DEF8: variants seen among roughly 807,000 people sequenced by gnomAD.
DEF8 encodes DEF-8.
In DEF8, 38 loss-of-function variants were observed where a neutral mutation model predicts 59.1. The observed-to-expected ratio is 0.64, with a 90% CI of 0.50 to 0.84. The LOEUF (loss-of-function observed/expected upper bound fraction) is 0.84. Ranked by LOEUF, DEF8 falls within the 40% of genes least tolerant of loss-of-function variation. The pLI, the probability that DEF8 is intolerant of heterozygous loss-of-function variation, is 0.00. For missense variants in DEF8, 557 were observed against 615.2 expected, an observed-to-expected ratio of 0.91 and a Z score of 1.00; for synonymous variants, 265 against 250.1, an observed-to-expected ratio of 1.06 and a Z score of -0.56.
chr16:89,955,161 T>C lies in DEF8; in HGVS notation c.125-8T>C, dbSNP rs62052225. 0.066 allele frequency: 105,952 copies of C among 1,610,136 alleles called. 4,524 individuals carry two copies. The highest frequency in any genetic ancestry group is 0.19 in the East Asian group (8,642 of 44,856). ...TGACGCTCCACACCTGTCCCCGTCT[T>C]CCTCCAGAGGCCCTGCCTGAGCTGC... is the stretch of plus-strand genomic sequence containing the variant. On this transcript the variant is annotated splice_region_variant and splice_polypyrimidine_tract_variant and intron_variant, in intron 3 of 12. Coordinates refer to ENST00000563594, the MANE Select transcript of DEF8 (RefSeq NM_001242818.2).
chr16:89,964,185 C>A lies in DEF8; in HGVS notation c.1018C>A (p.His340Asn). Residue 340 changes from histidine to asparagine, a missense_variant, in exon 11 of 13, where the codon CAT (histidine) becomes AAT (asparagine). His to Asn is a moderately conservative substitution (Grantham distance 68). Transcript: ENST00000563594. The part of the protein sequence containing the change: ...RLLLQLQDRQ[H>N]FVENDEMYSV... ...GACTTGGCAGCTCCAGGATCGGCAG[C>A]ATTTTGTGGAGAACGACGAGATGTA... is the stretch of plus-strand genomic sequence containing the variant. The A allele has an allele frequency of 6.2e-7, 1 of 1,613,912 alleles. No homozygotes were observed.
In DEF8 at chr16:89,949,487, G is replaced by GCC. The variant is rs747450605; in HGVS notation, c.-34_-33dup. 1 of 1,612,814 alleles carries GCC rather than the reference G, an allele frequency of 6.2e-7. No homozygotes were observed. The highest frequency in any genetic ancestry group is 1.1e-5 in the South Asian group (1 of 91,058). ...AGGAATGGCCATCCTGTCCCTGCGA[G>GCC]CCCCTGGGCCCTGGCAGGCGATGCA... On this transcript the variant is annotated 5_prime_UTR_variant, in exon 2 of 13. Transcript: ENST00000563594.
intron 2 of DEF8, among the ~76,000 whole-genome samples, chr16:89,951,573 G>A (rs1409219571): frequency 6.6e-6 from 1 of 152,066 alleles, no homozygotes; most frequent in Non-Finnish European, 1.5e-5. Flanking sequence ...TTGGCCGCAA[G>A]AGACAAAAAC....
intron 6 of DEF8, 129 bp downstream of exon 6, chr16:89,959,284 A>G (rs1399666316): frequency 6.6e-7 from 1 of 1,524,302 alleles, no homozygotes; most frequent in Non-Finnish European, 8.8e-7. Context: ...TCAAAGTTAA[A>G]TTAACTAAAT....
At position 89,954,204 on chromosome 16, in the gene DEF8, G is replaced by A. The variant is rs1171876340; in HGVS notation, c.-10-39G>A. 1 of 1,602,188 alleles carries A rather than the reference G, an allele frequency of 6.2e-7. No homozygotes were observed. The highest frequency in any genetic ancestry group is 1.7e-5 in the Admixed American group (1 of 59,244). ...AAAGGGGGTGGTCCGTGGTGAGCCT[G>A]GTACCTGGGGACTCATCCTGGCCCT... On this transcript the variant is annotated intron_variant, in intron 2 of 12. Transcript: ENST00000563594. The surrounding 1 kb of genome is among the most constrained non-coding windows in gnomAD (Gnocchi z 4.3).
chr16:89,957,348 AC>A, intron 4 of DEF8, 162 bp from the exon 5 acceptor site: 1 of 720,266 alleles, frequency 1.4e-6, no homozygotes, highest in Admixed American at 3.2e-5. Flanking sequence ...CCGTGCTGCC[AC>A]CTTTCCTGCC....
chr16:89,958,364 C>T (rs546429215), intron 5 of DEF8: 7 of 154,724 alleles, frequency 4.5e-5, no homozygotes, highest in South Asian at 4.0e-4. Flanking sequence ...TGGACAAGGA[C>T]GGGTGGTGTC....
At chr16:89,951,631 A>G (rs545767788) in intron 2 of DEF8, among the ~76,000 whole-genome samples, 1 of 152,282 alleles carries the variant, frequency 6.6e-6, no homozygotes, top group South Asian at 2.1e-4. Flanking sequence ...CACTTGAATG[A>G]AGTCTGGCTG....
chr16:89,955,934 GT>G (rs2033096010), intron 4 of DEF8, among the ~76,000 whole-genome samples: 1 of 151,924 alleles, frequency 6.6e-6, no homozygotes, highest in Non-Finnish European at 1.5e-5. Context: ...TCAGCCGGGC[GT>G]GGTGGCACAT....
intron 2 of DEF8, among the ~76,000 whole-genome samples, chr16:89,952,390 A>G (rs1203846740): frequency 6.6e-6 from 1 of 152,108 alleles, no homozygotes; most frequent in Admixed American, 6.5e-5. Flanking sequence ...CCTGGGGTGG[A>G]TGGAAGGGCT....
intron 2 of DEF8, chr16:89,950,201 C>T: frequency 4.1e-6 from 4 of 986,394 alleles, no homozygotes; most frequent in South Asian, 4.7e-5. Context: ...CCAGGCGTAG[C>T]TCCTGCACCT....
At chr16:89,957,727 A>C (rs982640610) in intron 5 of DEF8, 67 bp downstream of exon 5, 1 of 1,452,812 alleles carries the variant, frequency 6.9e-7, no homozygotes, top group Non-Finnish European at 9.1e-7. Context: ...AACTAGGAGG[A>C]CCCTGCCAGC....
chr16:89,959,517 C>A (rs897796163), intron 6 of DEF8, among the ~76,000 whole-genome samples: 2 of 152,218 alleles, frequency 1.3e-5, no homozygotes, highest in Non-Finnish European at 2.9e-5. Context: ...GTTTTTGAGA[C>A]GGAGTCTCAC....
Position 89,948,828 on chromosome 16 carries a change from G to C in DEF8, c.-108+14G>C, listed in dbSNP as rs1400638517. 1.0e-6 allele frequency: 1 copy of C among 971,920 alleles called. No homozygotes were observed. The highest frequency in any genetic ancestry group is 1.2e-6 in the Non-Finnish European group (1 of 825,502). 60.2% of individuals were successfully genotyped at this position (971,920 alleles called of 1,614,324 possible). ...GGCGGCGGTCAGGTGAGCGGCGCGGGGCCGGCGGGGTCGGGGCCGGCGGGG... is the reference window on the plus strand; with the variant it reads ...GGCGGCGGTCAGGTGAGCGGCGCGGCGCCGGCGGGGTCGGGGCCGGCGGGG... On this transcript the variant is annotated intron_variant, in intron 1 of 12. Transcript: ENST00000563594.
At chr16:89,964,089 C>G (rs776752261) in intron 10 of DEF8, 81 bp from the exon 11 acceptor site, 2 of 1,587,842 alleles carry the variant, frequency 1.3e-6, no homozygotes, top group South Asian at 1.1e-5. Context: ...CACCTGGGCC[C>G]TGACCACTGC....
chr16:89,955,142 T>C lies in DEF8; in HGVS notation c.125-27T>C. ...GGAGGCAGGAGGTAGCAGCTGACGC[T>C]CCACACCTGTCCCCGTCTTCCTCCA... On this transcript the variant is annotated intron_variant, in intron 3 of 12. Transcript: ENST00000563594. 2.5e-6 allele frequency: 4 copies of C among 1,582,902 alleles called. No individual in the cohort carries two copies. In the South Asian group the frequency reaches 4.4e-5, roughly 17 times the overall value.
chr16:89,963,415 AG>A lies in DEF8; in HGVS notation c.976del (p.Ala326ProfsTer111). 1 of 1,613,822 alleles carries A rather than the reference AG, an allele frequency of 6.2e-7. No homozygotes were observed. The highest frequency in any genetic ancestry group is 8.5e-7 in the Non-Finnish European group (1 of 1,179,844). Reference protein sequence around the residue: ...LMKPYFITCREAMEARLLLQL... With the variant: ...LMKPYFITCRXAMEARLLLQL... ...AAGCCGTACTTCATCACCTGCAGGG[AG>A]GCCATGGAGGCTCGTCTGCTGCTGC... On this transcript the variant is annotated frameshift_variant, in exon 10 of 13. Coordinates refer to ENST00000563594, the MANE Select transcript of DEF8 (RefSeq NM_001242818.2). LOFTEE classifies it high-confidence loss of function.
At position 89,952,193 on chromosome 16, in the gene DEF8, T is replaced by G. The variant is rs573876855; in HGVS notation, c.-10-2050T>G. Among the ~76,000 whole-genome samples the G allele has an allele frequency of 2.6e-5, 4 of 152,224 alleles. 1 individual carries two copies. Among genetic ancestry groups the G allele is most frequent in the Middle Eastern group, 6.3e-3 (2 of 316 alleles). On this transcript the variant is annotated intron_variant, in intron 2 of 12. Transcript: ENST00000563594. ...CGCCCAGCCCATATTTGTATAAAAT[T>G]TAATAGAGATAGGGCCTCATTGCAT...
At chr16:89,962,743 A>T in intron 9 of DEF8, among the ~76,000 whole-genome samples, 1 of 152,282 alleles carries the variant, frequency 6.6e-6, no homozygotes, top group Admixed American at 6.5e-5. Context: ...TTTCAACATG[A>T]AATCAATGTA....
Sources: gnomAD v4.1 joint callset for allele counts (sites outside exome capture counted in the v4.1 genomes callset) on GRCh38, gnomAD v4.1.1 for gene constraint, Gnocchi (gnomAD v3.1) non-coding constraint, MANE v1.5 for transcripts, NCBI Gene and HGNC (gene_info 2026-07-23, HGNC 2026-07-21) for gene names.